The following KCNAB1 variants were observed in gnomAD, a reference collection of about 807,000 sequenced individuals.
KCNAB1 encodes the protein voltage-gated potassium channel subunit beta-1.
KCNAB1 carries 35 observed loss-of-function variants against 64.6 expected under a neutral mutation model. The observed-to-expected ratio is 0.54, with a 90% confidence interval of 0.41 to 0.72. The LOEUF is 0.72. Among genes scored for constraint, KCNAB1 ranks in the 30% least tolerant of loss-of-function variants. The probability of loss-of-function intolerance (pLI) is 0.00; values close to 1 mark genes in which losing one functional copy is unlikely to be tolerated. For missense variants in KCNAB1, 401 were observed against 512.9 expected, an observed-to-expected ratio of 0.78 and a Z score of 2.11; for synonymous variants, 177 against 183.8, an observed-to-expected ratio of 0.96 and a Z score of 0.30.
chr3:156,326,886 A>G (rs1722996212), intron 1 of KCNAB1, among the ~76,000 whole-genome samples: 1 of 152,102 alleles, frequency 6.6e-6, no homozygotes, highest in Non-Finnish European at 1.5e-5. Context: ...TATAACTTTA[A>G]TTATTTGGGG....
chr3:156,364,808 A>G (rs535325007), intron 1 of KCNAB1, among the ~76,000 whole-genome samples: 5 of 152,094 alleles, frequency 3.3e-5, no homozygotes, highest in Admixed American at 6.6e-5. Context: ...AACAAACAAA[A>G]AAAACACCTG....
At position 156,463,708 on chromosome 3, in the gene KCNAB1, C is replaced by T. The variant is rs1287310849; in HGVS notation, c.489C>T (p.Ser163=). The change falls in exon 6 of 14, where the codon TCC becomes TCT. Residue 163 remains serine, a synonymous_variant. Coordinates refer to ENST00000490337, the MANE Select transcript of KCNAB1 (RefSeq NM_172160.3). ...SIIKKKGWRR[S]SLVITTKLYW... The stretch of plus-strand genomic sequence containing the variant: ...TTGTCTTTTTGATATACAGGAGGTC[C>T]AGTCTGGTCATAACAACCAAACTCT... 4 of 1,604,230 alleles carry T rather than the reference C, an allele frequency of 2.5e-6. No homozygotes were observed. Among genetic ancestry groups the T allele is most frequent in the Non-Finnish European group, 3.4e-6 (4 of 1,176,408 alleles).
intron 8 of KCNAB1, among the ~76,000 whole-genome samples, chr3:156,482,389 GAA>G (rs1654445193): frequency 6.6e-6 from 1 of 151,826 alleles, no homozygotes; most frequent in South Asian, 2.1e-4. Flanking sequence ...CCTATCCTTA[GAA>G]AAATCACATT....
intron 1 of KCNAB1, among the ~76,000 whole-genome samples, chr3:156,320,614 T>C (rs1020607952): frequency 3.9e-5 from 6 of 152,162 alleles, no homozygotes; most frequent in African/African-American, 1.4e-4. Context: ...CTGTGTCCAG[T>C]GAAAGACTGG....
At chr3:156,305,794 G>T (rs978745526) in intron 1 of KCNAB1, among the ~76,000 whole-genome samples, 8 of 152,328 alleles carry the variant, frequency 5.3e-5, no homozygotes, top group Non-Finnish European at 1.0e-4. Flanking sequence ...CTACTATTTA[G>T]ACACTAAAGA....
chr3:156,499,266 C>CT (rs1482740964), intron 8 of KCNAB1, among the ~76,000 whole-genome samples: 8 of 152,118 alleles, frequency 5.3e-5, no homozygotes, highest in Admixed American at 4.6e-4. Flanking sequence ...CTTCTGCCTT[C>CT]TTTTTTTGTT....
At chr3:156,404,791 T>G (rs1714139230) in intron 1 of KCNAB1, among the ~76,000 whole-genome samples, 1 of 152,164 alleles carries the variant, frequency 6.6e-6, no homozygotes, top group Non-Finnish European at 1.5e-5. Context: ...TTTCTCCAGT[T>G]TTACTTAAAA....
chr3:156,523,767 C>A, intron 11 of KCNAB1, 60 bp from the exon 12 acceptor site: 3 of 1,484,970 alleles, frequency 2.0e-6, no homozygotes, highest in East Asian at 2.3e-5. Flanking sequence ...ATTGAATTAC[C>A]ATTCTTTGAC....
At chr3:156,457,250 G>A in intron 3 of KCNAB1, 1 of 1,371,214 alleles carries the variant, frequency 7.3e-7, no homozygotes, top group Non-Finnish European at 9.4e-7. Context: ...TAACCCCTCA[G>A]TGCCCTATGT....
rs377602240 is a variant in KCNAB1, at chr3:156,494,072, G to A, written c.658+19252G>A. On this transcript the variant is annotated intron_variant, in intron 8 of 13. Coordinates refer to ENST00000490337, the MANE Select transcript of KCNAB1 (RefSeq NM_172160.3). Reference sequence around the variant, plus strand: ...CATCAGGATGATGCGTAATTTTAGCGTTCATCAGTGATTCTTGCCTGAAAC... The same window carrying A: ...CATCAGGATGATGCGTAATTTTAGCATTCATCAGTGATTCTTGCCTGAAAC... 5.3e-5 allele frequency among the ~76,000 whole-genome samples: 8 copies of A among 152,026 alleles called. No homozygotes were observed. In the South Asian group the frequency reaches 1.7e-3, roughly 32 times the overall value.
At chr3:156,168,769 C>T (rs946016721) in intron 1 of KCNAB1, among the ~76,000 whole-genome samples, 7 of 152,214 alleles carry the variant, frequency 4.6e-5, no homozygotes, top group African/African-American at 1.7e-4. Context: ...GCAGAATTAC[C>T]AAAAACTTGA....
intron 1 of KCNAB1, among the ~76,000 whole-genome samples, chr3:156,214,845 G>T (rs908391378): frequency 3.9e-5 from 6 of 152,178 alleles, no homozygotes; most frequent in Non-Finnish European, 7.3e-5. Context: ...GTCACGAGGG[G>T]ATAATGGGAT....
In KCNAB1 at chr3:156,296,725, G is replaced by A. The variant is rs537031461; in HGVS notation, c.276-124891G>A. The stretch of plus-strand genomic sequence containing the variant: ...CCTGACCTCGTGATCCGCCCACCTC[G>A]GCCTCCCAAAGTGCTGGAATTACAG... On this transcript the variant is annotated intron_variant, in intron 1 of 13. Coordinates refer to ENST00000490337, the MANE Select transcript of KCNAB1 (RefSeq NM_172160.3). Among the ~76,000 whole-genome samples the A allele has an allele frequency of 2.2e-3, 327 of 152,042 alleles. 1 individual carries two copies. Among genetic ancestry groups the A allele is most frequent in the Middle Eastern group, 6.8e-3 (2 of 294 alleles).
chr3:156,446,241 A>G (rs1711544828), intron 2 of KCNAB1: 1 of 152,250 alleles, frequency 6.6e-6, no homozygotes, highest in African/African-American at 2.4e-5. Context: ...CCAACAGCTT[A>G]GGGCTCCCTC....
At chr3:156,266,962 G>A (rs1294837413) in intron 1 of KCNAB1, among the ~76,000 whole-genome samples, 4 of 151,820 alleles carry the variant, frequency 2.6e-5, no homozygotes, top group African/African-American at 9.7e-5. Flanking sequence ...ATTACAGAAA[G>A]CATTATTTCT....
chr3:156,537,303 T>TTA lies in KCNAB1; in HGVS notation c.*562_*563dup, dbSNP rs1719126847. The stretch of plus-strand genomic sequence containing the variant: ...CTTGGAAGAATAAGCAGAAATAATT[T>TTA]TATATATTTTTTTTCTATTTTCACA... On this transcript the variant is annotated 3_prime_UTR_variant, in exon 14 of 14. Transcript: ENST00000490337. 5.5e-6 allele frequency: 2 copies of TTA among 361,412 alleles called. No homozygotes were observed. The highest frequency in any genetic ancestry group is 9.2e-5 in the Admixed American group (2 of 21,844). The allele number at this position is 361,412 out of a possible 1,614,324, so 22.4% of individuals were successfully genotyped here. A position where few individuals can be genotyped will look rare whatever the true frequency, so the allele number is the denominator to read the frequency against.
chr3:156,359,156 T>A (rs765099608), intron 1 of KCNAB1, among the ~76,000 whole-genome samples: 4 of 152,208 alleles, frequency 2.6e-5, no homozygotes, highest in African/African-American at 4.8e-5. Context: ...ACTGTTTGAG[T>A]CATTCTGTTG....
chr3:156,176,011 G>A, intron 1 of KCNAB1: 1 of 843,280 alleles, frequency 1.2e-6, no homozygotes, highest in South Asian at 1.3e-5. Context: ...CCTGTCGGCT[G>A]TGCCAGGTGC....
intron 1 of KCNAB1, among the ~76,000 whole-genome samples, chr3:156,411,970 G>T (rs1339540621): frequency 1.3e-5 from 2 of 152,092 alleles, no homozygotes; most frequent in Non-Finnish European, 2.9e-5. Context: ...AAATTGAGGG[G>T]AATTAACATC....
Sources: gnomAD v4.1 joint callset for allele counts (sites outside exome capture counted in the v4.1 genomes callset) on GRCh38, gnomAD v4.1.1 for gene constraint, MANE v1.5 for transcripts, NCBI Gene and HGNC (gene_info 2026-07-23, HGNC 2026-07-21) for gene names.